The following PRKAR1B variants were observed in gnomAD, a reference collection of about 807,000 sequenced individuals.
The protein encoded by PRKAR1B is cAMP-dependent protein kinase type I-beta regulatory subunit.
A neutral mutation model predicts 46.5 loss-of-function variants in PRKAR1B; 22 were observed. The observed-to-expected ratio is 0.47, with a 90% CI of 0.34 to 0.68. The LOEUF (loss-of-function observed/expected upper bound fraction) is 0.68. Ranked by LOEUF, PRKAR1B falls within the 30% of genes least tolerant of loss-of-function variation. PRKAR1B has a pLI of 0.01. For synonymous variants in PRKAR1B, 259 were observed against 217.7 expected, an observed-to-expected ratio of 1.19 and a Z score of -1.67; for missense variants, 445 against 535.6, an observed-to-expected ratio of 0.83 and a Z score of 1.67.
At chr7:711,210 G>C in intron 2 of PRKAR1B, 119 bp downstream of exon 2, 1 of 1,376,368 alleles carries the variant, frequency 7.3e-7, no homozygotes, top group African/African-American at 1.4e-5. Flanking sequence ...CAGGACGGCA[G>C]ACAGTCTCTG....
chr7:635,728 G>A (rs553103702), intron 4 of PRKAR1B, among the ~76,000 whole-genome samples: 1 of 152,086 alleles, frequency 6.6e-6, no homozygotes, highest in Non-Finnish European at 1.5e-5. Flanking sequence ...CGAGGGAGAC[G>A]GGGAAGCCTC....
chr7:578,414 C>T (rs749845891), intron 9 of PRKAR1B, among the ~76,000 whole-genome samples: 71 of 152,218 alleles, frequency 4.7e-4, no homozygotes, highest in Non-Finnish European at 8.8e-4. Context: ...CACACACATC[C>T]AGATAGAGAA....
chr7:578,173 C>T (rs762345461), intron 9 of PRKAR1B, among the ~76,000 whole-genome samples: 2 of 152,232 alleles, frequency 1.3e-5, no homozygotes, highest in Non-Finnish European at 2.9e-5. Flanking sequence ...AGCCCCACCT[C>T]TGGAGTCGAG....
rs1284059804 is a variant in PRKAR1B at position 586,064 on chromosome 7, G to A, written c.709-1496C>T. Among the ~76,000 whole-genome samples the A allele has an allele frequency of 2.0e-5, 3 of 152,096 alleles. No individual in the cohort carries two copies. The South Asian group carries it at 6.2e-4, about 32-fold the overall frequency. ...TCCTCCTTCCTGCTGACTGGCATGT[G>A]GAGATGATGGCTGGGGCTGCAGCAG... On this transcript the variant is annotated intron_variant, in intron 7 of 10. Transcript: ENST00000537384.
Position 727,189 on chromosome 7 carries a change from G to A in PRKAR1B, c.-23+21C>T, listed in dbSNP as rs529557801. 3 of 1,343,172 alleles carry A rather than the reference G, an allele frequency of 2.2e-6. No homozygotes were observed. Among genetic ancestry groups the A allele is most frequent in the Non-Finnish European group, 2.9e-6 (3 of 1,043,246 alleles). The allele number at this position is 1,343,172 out of a possible 1,614,324, so 83.2% of individuals were successfully genotyped here. On this transcript the variant is annotated intron_variant, in intron 1 of 10. Coordinates refer to ENST00000537384, the MANE Select transcript of PRKAR1B (RefSeq NM_001164760.2). ...GCTGGGCCTGGCCGTGGACCTGTGC[G>A]GCGCCGCGCTCGCGCCCCACCTGGA...
chr7:708,614 G>A (rs1780452774), intron 2 of PRKAR1B, among the ~76,000 whole-genome samples: 1 of 152,092 alleles, frequency 6.6e-6, no homozygotes, highest in Non-Finnish European at 1.5e-5. Context: ...AGCCTCCCAA[G>A]TAGTTGGGAT....
chr7:704,755 C>T (rs1780231431), intron 2 of PRKAR1B, among the ~76,000 whole-genome samples: 1 of 152,116 alleles, frequency 6.6e-6, no homozygotes, highest in African/African-American at 2.4e-5. Context: ...GTCAACAAAG[C>T]AAGACTCTGT....
intron 9 of PRKAR1B, among the ~76,000 whole-genome samples, chr7:577,093 T>G (rs1028003168): frequency 4.2e-4 from 63 of 149,390 alleles, no homozygotes; most frequent in African/African-American, 1.6e-3. Context: ...CTCATCCAAC[T>G]CCATCAACGG....
At chr7:564,836 G>A (rs983891963) in intron 9 of PRKAR1B, among the ~76,000 whole-genome samples, 7 of 152,244 alleles carry the variant, frequency 4.6e-5, no homozygotes, top group Non-Finnish European at 7.3e-5. Context: ...TTGGAGGGAG[G>A]AAGTGTTGCA....
intron 2 of PRKAR1B, among the ~76,000 whole-genome samples, chr7:705,699 C>A (rs1359551725): frequency 3.3e-5 from 5 of 152,156 alleles, no homozygotes; most frequent in Non-Finnish European, 4.4e-5. Flanking sequence ...CAGAACACTG[C>A]CGGCAATAAA....
chr7:649,051 C>T (rs1161641767), intron 4 of PRKAR1B, among the ~76,000 whole-genome samples: 5 of 151,972 alleles, frequency 3.3e-5, no homozygotes, highest in Non-Finnish European at 7.4e-5. Flanking sequence ...GTAATCTCAG[C>T]TACTCGGGAG....
At chr7:591,082 C>T (rs950167699) in intron 7 of PRKAR1B, among the ~76,000 whole-genome samples, 3 of 152,386 alleles carry the variant, frequency 2.0e-5, no homozygotes, top group Middle Eastern at 3.4e-3. Context: ...GGAATGCAAG[C>T]GTGTTTTGCC....
upstream of PRKAR1B, among the ~76,000 whole-genome samples, chr7:728,442 G>C (rs1781441207): frequency 6.6e-6 from 1 of 152,318 alleles, no homozygotes; most frequent in Middle Eastern, 3.4e-3. Context: ...CTGCAGCTGC[G>C]TGGAGAATAG....
chr7:678,855 G>A (rs940514739), intron 3 of PRKAR1B, among the ~76,000 whole-genome samples: 10 of 152,190 alleles, frequency 6.6e-5, no homozygotes, highest in Non-Finnish European at 1.5e-5. Flanking sequence ...GGAGGCTGAG[G>A]CAGGTGGATC....
At chr7:631,165 G>C (rs1467232807) in intron 4 of PRKAR1B, among the ~76,000 whole-genome samples, 1 of 152,160 alleles carries the variant, frequency 6.6e-6, no homozygotes, top group African/African-American at 2.4e-5. Flanking sequence ...TGGCCAAGCT[G>C]GTCTCAAACT....
intron 2 of PRKAR1B, among the ~76,000 whole-genome samples, chr7:700,088 G>A (rs1405355535): frequency 5.3e-5 from 8 of 152,170 alleles, no homozygotes; most frequent in African/African-American, 1.9e-4. Context: ...AGGACAAAAT[G>A]GGGGTCCCCG....
chr7:615,411 C>T (rs28850367), intron 4 of PRKAR1B, among the ~76,000 whole-genome samples: 82,603 of 147,870 alleles, frequency 0.56, 23,831 homozygotes, highest in South Asian at 0.8. Context: ...GGAGACAGAG[C>T]GAGACTCCGT....
At chr7:684,544 C>T (rs1233570427) in intron 2 of PRKAR1B, among the ~76,000 whole-genome samples, 1 of 152,134 alleles carries the variant, frequency 6.6e-6, no homozygotes, top group East Asian at 1.9e-4. Context: ...CGCAGCAGCC[C>T]GGGGTATGTG....
intron 7 of PRKAR1B, among the ~76,000 whole-genome samples, chr7:585,226 C>T (rs1307152809): frequency 1.3e-5 from 2 of 152,166 alleles, no homozygotes; most frequent in Non-Finnish European, 2.9e-5. Context: ...TCCCATCAAG[C>T]TGATGGGCCC....
Sources: gnomAD v4.1 joint callset for allele counts (sites outside exome capture counted in the v4.1 genomes callset) on GRCh38, gnomAD v4.1.1 for gene constraint, MANE v1.5 for transcripts, NCBI Gene and HGNC (gene_info 2026-07-23, HGNC 2026-07-21) for gene names.